The following DOCK1 variants were observed in gnomAD, a reference collection of about 807,000 sequenced individuals.
The protein encoded by DOCK1 is dedicator of cytokinesis protein 1.
In DOCK1, 138 loss-of-function variants were observed where a neutral mutation model predicts 262.7. That is an observed-to-expected ratio of 0.53 (90% CI 0.46 to 0.61). The LOEUF is 0.61. DOCK1 is among the 20% of genes least tolerant of loss of function. The probability of loss-of-function intolerance (pLI) is 0.00; values close to 1 mark genes in which losing one functional copy is unlikely to be tolerated. For synonymous variants in DOCK1, 866 were observed against 867.4 expected (o/e 1.00, Z 0.03); for missense variants, 1,908 against 2,370.7 (o/e 0.80, Z 4.05).
intron 27 of DOCK1, among the ~76,000 whole-genome samples, chr10:127,231,832 G>A (rs1030674773): frequency 2.6e-5 from 4 of 152,008 alleles, no homozygotes; most frequent in South Asian, 2.1e-4. Flanking sequence ...GAGTGCATTC[G>A]CTCAGACATC....
At chr10:127,312,806 A>ACTCCCTCCCTCCTTCCCTCCTTCT (rs765180553) in intron 29 of DOCK1, among the ~76,000 whole-genome samples, 39 of 122,946 alleles carry the variant, frequency 3.2e-4, no homozygotes, top group African/African-American at 1.2e-3. Context: ...CACAGCCATC[A>ACTCCCTCCCTCCTTCCCTCCTTCT]CTCCCTCCCT....
At chr10:127,094,193 C>CAAAAACAG (rs886436860) in intron 23 of DOCK1, among the ~76,000 whole-genome samples, 28 of 152,236 alleles carry the variant, frequency 1.8e-4, no homozygotes, top group African/African-American at 5.1e-4. Flanking sequence ...GAACCTGTCT[C>CAAAAACAG]AAAAACAGAA....
rs753464561 is a variant in DOCK1 at position 127,403,094 on chromosome 10, G to A, written c.3967G>A (p.Glu1323Lys). The A allele has an allele frequency of 1.2e-5, 20 of 1,612,828 alleles. No individual in the cohort carries two copies. Among genetic ancestry groups the A allele is most frequent in the East Asian group, 2.2e-5 (1 of 44,888 alleles). The change falls in exon 39 of 52, where the codon GAG becomes AAG. Residue 1323 changes from glutamate to lysine, a missense_variant. By Grantham distance (56) the Glu-to-Lys change is moderately conservative (BLOSUM62 1). Around this residue, in one of 9 missense-constraint regions of DOCK1, gnomAD observed 267 missense variants for 366.3 expected, o/e 0.73. Coordinates refer to ENST00000623213, the MANE Select transcript of DOCK1 (RefSeq NM_001290223.2). ...EAIALGKELA[E>K]QYENEMFDYE... is the part of the protein sequence containing the mutation. ...CATTGCCTTGGGCAAGGAGCTAGCC[G>A]AGCAGTATGAGAACGAAATGTTTGA... is the stretch of plus-strand genomic sequence containing the variant.
rs111210268 is a variant in DOCK1 at position 127,260,926 on chromosome 10, G to T, written c.3044+3497G>T. Among the ~76,000 whole-genome samples the T allele has an allele frequency of 2.5e-3, 236 of 95,770 alleles. 3 individuals are homozygous for T. The highest frequency in any genetic ancestry group is 8.6e-3 in the African/African-American group (195 of 22,614). The allele number at this position is 95,770 out of a possible 152,430, so 62.8% of individuals were successfully genotyped here. A position where few individuals can be genotyped will look rare whatever the true frequency, so the allele number is the denominator to read the frequency against. On this transcript the variant is annotated intron_variant, in intron 29 of 51. Coordinates refer to ENST00000623213, the MANE Select transcript of DOCK1 (RefSeq NM_001290223.2). ...GTGTACCTGCACGTGTGTGCATGTG[G>T]GTGTGTGTGTGTACCCGTGCTCATC...
At chr10:126,923,480 C>T (rs1036176691) in intron 1 of DOCK1, among the ~76,000 whole-genome samples, 16 of 151,172 alleles carry the variant, frequency 1.1e-4, no homozygotes, top group Admixed American at 2.6e-4. Context: ...AAAAATTAGC[C>T]GGGTGTGGTG....
intron 27 of DOCK1, among the ~76,000 whole-genome samples, chr10:127,241,711 G>A (rs949773943): frequency 6.6e-6 from 1 of 152,112 alleles, no homozygotes; most frequent in Admixed American, 6.5e-5. Context: ...CTGATATGCT[G>A]GGAGCTGAGC....
chr10:127,418,916 G>C (rs1208914389), intron 45 of DOCK1, among the ~76,000 whole-genome samples: 1 of 152,236 alleles, frequency 6.6e-6, no homozygotes, highest in Non-Finnish European at 1.5e-5. Context: ...TGACGGTGGA[G>C]GGGGCCCGGC....
intron 40 of DOCK1, among the ~76,000 whole-genome samples, chr10:127,406,055 G>C (rs1369338793): frequency 1.3e-5 from 2 of 152,186 alleles, no homozygotes; most frequent in African/African-American, 2.4e-5. Flanking sequence ...TAATTCGAGT[G>C]TGTGTGTGCT....
intron 10 of DOCK1, among the ~76,000 whole-genome samples, chr10:127,004,070 T>C (rs2040805738): frequency 6.6e-6 from 1 of 151,806 alleles, no homozygotes; most frequent in African/African-American, 2.4e-5. Flanking sequence ...GTGGCCAGTG[T>C]GGTGAAACCC....
chr10:126,997,826 T>A, intron 7 of DOCK1: 1 of 433,264 alleles, frequency 2.3e-6, no homozygotes, highest in Non-Finnish European at 4.2e-6. Context: ...TATATAATCA[T>A]TATTTTGATT....
chr10:127,032,357 C>G (rs1201693774), intron 18 of DOCK1, 37 bp downstream of exon 18: 2 of 1,469,868 alleles, frequency 1.4e-6, no homozygotes, highest in Non-Finnish European at 1.8e-6. Flanking sequence ...ACCCCAGGAG[C>G]TCTGCCCCAG....
At chr10:127,057,420 G>A (rs962428529) in intron 22 of DOCK1, among the ~76,000 whole-genome samples, 1 of 152,228 alleles carries the variant, frequency 6.6e-6, no homozygotes, top group African/African-American at 2.4e-5. Context: ...AGAACAAAGA[G>A]GTGAAACTTT....
chr10:127,270,534 C>T (rs2060525235), intron 29 of DOCK1, among the ~76,000 whole-genome samples: 1 of 151,980 alleles, frequency 6.6e-6, no homozygotes, highest in Admixed American at 6.6e-5. Context: ...TTCCTCCCTC[C>T]CTCCCTCCCT....
At chr10:127,449,024 G>T in intron 51 of DOCK1, among the ~76,000 whole-genome samples, 1 of 152,124 alleles carries the variant, frequency 6.6e-6, no homozygotes. Flanking sequence ...CAAAGAGGCA[G>T]ATTGCTCTTC....
At chr10:127,351,222 T>C (rs761652321) in intron 31 of DOCK1, among the ~76,000 whole-genome samples, 13 of 152,020 alleles carry the variant, frequency 8.6e-5, no homozygotes, top group Non-Finnish European at 1.9e-4. Context: ...CTCCTAAGCG[T>C]AGGTTCTCCT....
At chr10:127,082,006 G>A (rs1479200102) in intron 23 of DOCK1, among the ~76,000 whole-genome samples, 1 of 152,150 alleles carries the variant, frequency 6.6e-6, no homozygotes, top group Non-Finnish European at 1.5e-5. Context: ...GGGTGAACAT[G>A]AGCCCTGCTT....
At chr10:126,954,038 C>G in intron 1 of DOCK1, among the ~76,000 whole-genome samples, 1 of 152,172 alleles carries the variant, frequency 6.6e-6, no homozygotes, top group South Asian at 2.1e-4. Flanking sequence ...GCCCTTTATC[C>G]TTGTGTGCTT....
intron 27 of DOCK1, among the ~76,000 whole-genome samples, chr10:127,229,049 A>G (rs1052321314): frequency 3.9e-5 from 6 of 152,104 alleles, no homozygotes; most frequent in African/African-American, 1.4e-4. Context: ...CCTGGCCAAC[A>G]TGGTGAAACC....
At chr10:127,393,704 T>A (rs2066640962) in intron 38 of DOCK1, among the ~76,000 whole-genome samples, 2 of 152,208 alleles carry the variant, frequency 1.3e-5, no homozygotes, top group Non-Finnish European at 2.9e-5. Context: ...TTTTGAATGA[T>A]GTTCTGTTAT....
Sources: gnomAD v4.1 joint callset for allele counts (sites outside exome capture counted in the v4.1 genomes callset) on GRCh38, gnomAD v4.1.1 for gene constraint, gnomAD v4.1.1 regional missense constraint, MANE v1.5 for transcripts, NCBI Gene and HGNC (gene_info 2026-07-23, HGNC 2026-07-21) for gene names.